RABGEF1: variants seen among roughly 807,000 people sequenced by gnomAD.
RABGEF1 encodes the protein rab5 GDP/GTP exchange factor.
In RABGEF1, 26 loss-of-function variants were observed where a neutral mutation model predicts 57.3. The observed-to-expected ratio is 0.45, with a 90% CI of 0.33 to 0.63. RABGEF1 has a LOEUF of 0.63. Ranked by LOEUF, RABGEF1 falls within the 20% of genes least tolerant of loss-of-function variation. The pLI is 0.02. For missense variants in RABGEF1, 464 were observed against 607.6 expected, an observed-to-expected ratio of 0.76 and a Z score of 2.48; for synonymous variants, 185 against 210.7, an observed-to-expected ratio of 0.88 and a Z score of 1.06.
At chr7:66,742,286 G>T (rs1474410082) in intron 1 of RABGEF1, among the ~76,000 whole-genome samples, 3 of 152,144 alleles carry the variant, frequency 2.0e-5, no homozygotes, top group Non-Finnish European at 4.4e-5. Flanking sequence ...ATTCATATCC[G>T]CAGGATTAAG....
rs111423194 is a variant in RABGEF1 at position 66,718,261 on chromosome 7, CT to C, written c.-815+6039del. Among the ~76,000 whole-genome samples, 428 of 152,190 alleles carry C rather than the reference CT, an allele frequency of 2.8e-3. 1 individual carries two copies. The highest frequency in any genetic ancestry group is 9.9e-3 in the African/African-American group (412 of 41,534). The stretch of plus-strand genomic sequence containing the variant: ...TCAGGAGGCTGAGGTGGGAGGATTG[CT>C]TGAACCTGGGAGGCAGAGGTTGCAG... On this transcript the variant is annotated intron_variant and NMD_transcript_variant, in intron 2 of 9. Coordinates refer to the RABGEF1 transcript ENST00000607882.
At chr7:66,701,597 C>T (rs1001852203) in intron 1 of RABGEF1, among the ~76,000 whole-genome samples, 1 of 151,272 alleles carries the variant, frequency 6.6e-6, no homozygotes, top group Non-Finnish European at 1.5e-5. Flanking sequence ...TAACCTCCAC[C>T]TCCTGGGTTC....
the RABGEF1 span, among the ~76,000 whole-genome samples, chr7:66,661,579 A>AG: frequency 1.3e-5 from 2 of 152,088 alleles, no homozygotes; most frequent in Non-Finnish European, 2.9e-5. Context: ...TCAAAAAAAA[A>AG]GAAAGTAGGG....
At chr7:66,710,353 A>G (rs919594132) in intron 1 of RABGEF1, among the ~76,000 whole-genome samples, 1 of 152,246 alleles carries the variant, frequency 6.6e-6, no homozygotes, top group South Asian at 2.1e-4. Flanking sequence ...GCATCCAGAT[A>G]ATAGTGTTTG....
chr7:66,732,246 T>C (rs1553610), intron 2 of RABGEF1, among the ~76,000 whole-genome samples: 76,333 of 152,026 alleles, frequency 0.5, 20,100 homozygotes, highest in East Asian at 0.74. Flanking sequence ...CAGCTAGCCA[T>C]GGGGCTGAGC....
At chr7:66,712,557 AC>A (rs1170074078) in intron 2 of RABGEF1, among the ~76,000 whole-genome samples, 1 of 151,886 alleles carries the variant, frequency 6.6e-6, no homozygotes, top group Non-Finnish European at 1.5e-5. Context: ...TGCAGCCTCG[AC>A]CTCCCGGGCT....
At position 66,809,535 on chromosome 7, in the gene RABGEF1, C is replaced by G. The variant is rs1172492067; in HGVS notation, c.*251C>G. 1.4e-5 allele frequency: 5 copies of G among 362,430 alleles called. No homozygotes were observed. Among genetic ancestry groups the G allele is most frequent in the Non-Finnish European group, 2.0e-5 (4 of 204,154 alleles). The allele number at this position is 362,430 out of a possible 1,614,324, so 22.5% of individuals were successfully genotyped here. ...CAAATTTTGTCTCAATCTTTTTTCC[C>G]TCCATGATTTTCCTATGTGCTTCCT... On this transcript the variant is annotated 3_prime_UTR_variant, in exon 9 of 9. Transcript: ENST00000284957.
At chr7:66,671,093 C>T in the RABGEF1 span, among the ~76,000 whole-genome samples, 1 of 152,000 alleles carries the variant, frequency 6.6e-6, no homozygotes, top group South Asian at 2.1e-4. Flanking sequence ...AAGCTCCTGG[C>T]CTTGGGCAAT....
In RABGEF1 at chr7:66,687,349, C is replaced by T. The variant is rs553358545; in HGVS notation, c.-873+5091C>T. Among the ~76,000 whole-genome samples, 12 of 151,684 alleles carry T rather than the reference C, an allele frequency of 7.9e-5. No homozygotes were observed. In the South Asian group the frequency reaches 2.5e-3, roughly 31 times the overall value. On this transcript the variant is annotated intron_variant and NMD_transcript_variant, in intron 1 of 9. Transcript: ENST00000607882. ...CCTTGTTGGCCAGGTCAGTCTCAAA[C>T]TCCTGAACTGAGGTGATCCATCCTC...
At chr7:66,744,038 TTTC>T (rs1276818852) in intron 1 of RABGEF1, among the ~76,000 whole-genome samples, 8 of 149,302 alleles carry the variant, frequency 5.4e-5, no homozygotes, top group African/African-American at 1.2e-4. Context: ...TTTCTTTTCT[TTTC>T]TTTTTTTTTT....
chr7:66,683,992 C>T (rs1255241440), intron 1 of RABGEF1, among the ~76,000 whole-genome samples: 3 of 152,172 alleles, frequency 2.0e-5, no homozygotes, highest in African/African-American at 7.2e-5. Context: ...TCTCCCGCCT[C>T]AAGTGTCCCA....
At chr7:66,697,956 C>T (rs1792606166) in intron 1 of RABGEF1, among the ~76,000 whole-genome samples, 2 of 152,190 alleles carry the variant, frequency 1.3e-5, no homozygotes, top group South Asian at 2.1e-4. Context: ...TTGGGAAGCC[C>T]GGCCCTCTCC....
At chr7:66,779,712 A>C (rs1285999702) in intron 3 of RABGEF1, among the ~76,000 whole-genome samples, 1 of 151,260 alleles carries the variant, frequency 6.6e-6, no homozygotes, top group Non-Finnish European at 1.5e-5. Context: ...GGTGACTTTT[A>C]AGTTTAGGAG....
intron 3 of RABGEF1, among the ~76,000 whole-genome samples, chr7:66,777,847 G>A (rs574126162): frequency 6.6e-6 from 1 of 152,242 alleles, no homozygotes; most frequent in South Asian, 2.1e-4. Context: ...TTAAAAATAT[G>A]TATGCAGAAT....
chr7:66,728,179 T>G (rs1796808924), intron 2 of RABGEF1, among the ~76,000 whole-genome samples: 1 of 152,184 alleles, frequency 6.6e-6, no homozygotes, highest in Non-Finnish European at 1.5e-5. Flanking sequence ...TGTTTCTGAA[T>G]TGGGAGGGCC....
intron 1 of RABGEF1, among the ~76,000 whole-genome samples, chr7:66,748,297 G>A (rs1800694119): frequency 6.6e-6 from 1 of 152,148 alleles, no homozygotes; most frequent in Admixed American, 6.5e-5. Flanking sequence ...TCTCTAGGCT[G>A]ATTTAAGGAT....
At chr7:66,661,237 T>C in the RABGEF1 span, among the ~76,000 whole-genome samples, 1 of 138,032 alleles carries the variant, frequency 7.2e-6, no homozygotes, top group Non-Finnish European at 1.5e-5. Flanking sequence ...AGGCTGAGCT[T>C]GCAGTCAGCC....
chr7:66,788,348 G>A (rs1029208607), intron 4 of RABGEF1, among the ~76,000 whole-genome samples: 1 of 152,026 alleles, frequency 6.6e-6, no homozygotes, highest in African/African-American at 2.4e-5. Flanking sequence ...GGGAGGCTGA[G>A]GGAGAAGAAT....
the RABGEF1 span, among the ~76,000 whole-genome samples, chr7:66,657,281 A>T: frequency 1.3e-5 from 2 of 152,254 alleles, no homozygotes; most frequent in Admixed American, 1.3e-4. Context: ...GTTTGAAAGT[A>T]TGCAAAATAC....
Sources: gnomAD v4.1 joint callset for allele counts (sites outside exome capture counted in the v4.1 genomes callset) on GRCh38, gnomAD v4.1.1 for gene constraint, MANE v1.5 for transcripts, NCBI Gene and HGNC (gene_info 2026-07-23, HGNC 2026-07-21) for gene names.